Variants in NCBP3 observed in about 807,000 individuals in gnomAD.
NCBP3 encodes nuclear cap binding subunit 3.
In NCBP3, 20 loss-of-function variants were observed where a neutral mutation model predicts 75.7. The observed-to-expected ratio is 0.26, with a 90% confidence interval of 0.19 to 0.38. The LOEUF is 0.38. NCBP3 is among the 10% of genes least tolerant of loss of function. The pLI is 1.00. For missense variants in NCBP3, 678 were observed against 796.9 expected, an observed-to-expected ratio of 0.85 and a Z score of 1.80; for synonymous variants, 293 against 290.5, an observed-to-expected ratio of 1.01 and a Z score of -0.09.
rs143872674 is a variant in NCBP3, at chr17:3,830,628, G to A, written c.356-1260C>T. ...TTTTGAGATGGAGTCTCGCTCTGTC[G>A]CCAGGCTGGAGTGCAGTGGCACGAT... On this transcript the variant is annotated intron_variant, in intron 3 of 12. Transcript: ENST00000389005. Among the ~76,000 whole-genome samples, 29 of 152,250 alleles carry A rather than the reference G, an allele frequency of 1.9e-4. No individual in the cohort carries two copies. In the East Asian group the frequency reaches 4.8e-3, roughly 25 times the overall value.
chr17:3,839,584 G>A (rs1323498930), intron 3 of NCBP3, among the ~76,000 whole-genome samples: 5 of 152,170 alleles, frequency 3.3e-5, no homozygotes, highest in Admixed American at 3.3e-4. Flanking sequence ...CTGACCTCAA[G>A]TGATCCACCT....
In NCBP3 at chr17:3,818,291, C is replaced by T. The variant is rs1256793882; in HGVS notation, c.1282G>A (p.Glu428Lys). ...KSMKMTMYAD[E>K]VESQLKNIRN... is the part of the protein sequence containing the mutation. ...ATATTTTTCAACTGAGATTCCACTT[C>T]GTCAGCATACATAGTCATTTTCATG... Residue 428 changes from glutamate (E) to lysine (K), a missense_variant, in exon 10 of 13, where the codon GAA becomes AAA. Physicochemically the swap from Glu to Lys is moderately conservative, Grantham distance 56 (BLOSUM62 1). Transcript: ENST00000389005. The surrounding 1 kb of genome is among the most constrained non-coding windows in gnomAD (Gnocchi z 4.7). The T allele has an allele frequency of 5.0e-6, 8 of 1,595,574 alleles. No individual in the cohort carries two copies. In the East Asian group the frequency reaches 9.0e-5, roughly 18 times the overall value.
At chr17:3,834,241 A>G (rs2053936529) in intron 3 of NCBP3, among the ~76,000 whole-genome samples, 1 of 152,236 alleles carries the variant, frequency 6.6e-6, no homozygotes, top group Admixed American at 6.5e-5. Context: ...AATGCTGACC[A>G]TAGACTGTCC....
chr17:3,834,348 G>A (rs763922577), intron 3 of NCBP3, among the ~76,000 whole-genome samples: 2 of 152,224 alleles, frequency 1.3e-5, no homozygotes, highest in Non-Finnish European at 2.9e-5. Context: ...TGACAATGAC[G>A]GGGTTTGGAT....
At chr17:3,816,088 A>C (rs1254618584) in intron 11 of NCBP3, 28 bp downstream of exon 11, 1 of 1,598,740 alleles carries the variant, frequency 6.3e-7, no homozygotes, top group Non-Finnish European at 8.5e-7. Context: ...CTCAGAATCC[A>C]GCCAGGAATC....
chr17:3,824,994 T>C lies in NCBP3; in HGVS notation c.744A>G (p.Pro248=), dbSNP rs1567587724. The C allele has an allele frequency of 6.5e-7, 1 of 1,546,822 alleles. No homozygotes were observed. Among genetic ancestry groups the C allele is most frequent in the Non-Finnish European group, 8.7e-7 (1 of 1,144,850 alleles). ...EESLLRNDLR[P]ANKLAKGNRL... is the part of the protein sequence containing the mutation. ...TATTTCCTTTAGCAAGTTTGTTAGC[T>C]GGACGAAGATCGTTTCTTAACAAAG... The change falls in exon 7 of 13, where the codon CCA becomes CCG. Residue 248 remains proline, a synonymous_variant. Transcript: ENST00000389005.
chr17:3,814,841 T>C (rs17763453), intron 11 of NCBP3, among the ~76,000 whole-genome samples: 26,013 of 152,000 alleles, frequency 0.17, 2,864 homozygotes, highest in Non-Finnish European at 0.24. Flanking sequence ...TCTTTGAACA[T>C]ACAAGTAGTT....
At chr17:3,843,475 C>T (rs1480770448) in intron 1 of NCBP3, among the ~76,000 whole-genome samples, 2 of 152,166 alleles carry the variant, frequency 1.3e-5, no homozygotes, top group African/African-American at 4.8e-5. Context: ...CTAAAGCAGT[C>T]CTCCTGCCTC....
chr17:3,812,551 G>A lies in NCBP3; in HGVS notation c.*493C>T. The A allele has an allele frequency of 9.9e-7, 1 of 1,008,360 alleles. No individual in the cohort carries two copies. Among genetic ancestry groups the A allele is most frequent in the Non-Finnish European group, 1.2e-6 (1 of 843,678 alleles). 62.5% of individuals were successfully genotyped at this position (1,008,360 alleles called of 1,614,324 possible). Reference sequence around the variant, plus strand: ...TCCGTGAGATTCGCCCCACACTAGGGTCCCGGAAGGGTGAGCTGGCCGCTT... The same window carrying A: ...TCCGTGAGATTCGCCCCACACTAGGATCCCGGAAGGGTGAGCTGGCCGCTT... On this transcript the variant is annotated 3_prime_UTR_variant, in exon 13 of 13. Coordinates refer to ENST00000389005, the MANE Select transcript of NCBP3 (RefSeq NM_001114118.3).
rs1046017638 is a variant in NCBP3, at chr17:3,812,544, C to T, written c.*500G>A. ...GGTCAGGTCCGTGAGATTCGCCCCA[C>T]ACTAGGGTCCCGGAAGGGTGAGCTG... On this transcript the variant is annotated 3_prime_UTR_variant, in exon 13 of 13. Coordinates refer to ENST00000389005, the MANE Select transcript of NCBP3 (RefSeq NM_001114118.3). The T allele has an allele frequency of 1.0e-6, 1 of 1,004,936 alleles. No homozygotes were observed. The highest frequency in any genetic ancestry group is 1.0e-4 in the East Asian group (1 of 9,636). The allele number at this position is 1,004,936 out of a possible 1,614,324, so 62.3% of individuals were successfully genotyped here. A position where few individuals can be genotyped will look rare whatever the true frequency, so the allele number is the denominator to read the frequency against.
rs1286631329 is a variant in NCBP3, at chr17:3,804,744, G to A, written c.*8300C>T. ...ACTCACGACCTTTGAACACTCGGTA[G>A]GAGTGCCCTGCTCAGTGCCAAGGCC... On this transcript the variant is annotated 3_prime_UTR_variant, in exon 13 of 13. Coordinates refer to ENST00000389005, the MANE Select transcript of NCBP3 (RefSeq NM_001114118.3). 1 of 152,246 alleles carries A rather than the reference G, an allele frequency of 6.6e-6. No individual in the cohort carries two copies. Among genetic ancestry groups the A allele is most frequent in the Non-Finnish European group, 1.5e-5 (1 of 68,076 alleles). The allele number at this position is 152,246 out of a possible 1,614,324, so 9.4% of individuals were successfully genotyped here. A position where few individuals can be genotyped will look rare whatever the true frequency, so the allele number is the denominator to read the frequency against.
chr17:3,816,319 A>T, intron 10 of NCBP3, 49 bp from the exon 11 acceptor site: 1 of 1,525,988 alleles, frequency 6.6e-7, no homozygotes, highest in Non-Finnish European at 9.0e-7. Flanking sequence ...TTCAACTGTG[A>T]GACAAGACCC....
rs1009933531 is a variant in NCBP3 at position 3,811,907 on chromosome 17, T to A, written c.*1137A>T. On this transcript the variant is annotated 3_prime_UTR_variant, in exon 13 of 13. Coordinates refer to ENST00000389005, the MANE Select transcript of NCBP3 (RefSeq NM_001114118.3). ...AGTTTAAAAATAAATGAACTAAAAT[T>A]TTTATAACTATTATCTTTTCTGCCA... The A allele has an allele frequency of 2.0e-4, 30 of 152,216 alleles. No homozygotes were observed. The highest frequency in any genetic ancestry group is 3.3e-4 in the Admixed American group (5 of 15,280). The allele number at this position is 152,216 out of a possible 1,614,324, so 9.4% of individuals were successfully genotyped here.
At chr17:3,822,078 T>C (rs1034038598) in intron 7 of NCBP3, 26 bp from the exon 8 acceptor site, 85 of 1,440,826 alleles carry the variant, frequency 5.9e-5, no homozygotes, top group Non-Finnish European at 8.3e-5. Flanking sequence ...AATAGTTACC[T>C]AGGATTTCCT....
At chr17:3,821,871 G>T (rs2053672568) in intron 8 of NCBP3, 82 bp downstream of exon 8, 3 of 875,870 alleles carry the variant, frequency 3.4e-6, no homozygotes, top group Non-Finnish European at 5.6e-6. Context: ...TTTACACAGG[G>T]TTTAGACATT....
At chr17:3,824,808 T>C in intron 7 of NCBP3, 134 bp downstream of exon 7, 1 of 436,650 alleles carries the variant, frequency 2.3e-6, no homozygotes, top group Non-Finnish European at 4.0e-6. Flanking sequence ...AATTATTTCA[T>C]AAGCGCAGAA....
At chr17:3,815,984 C>G in intron 11 of NCBP3, 132 bp downstream of exon 11, 1 of 765,704 alleles carries the variant, frequency 1.3e-6, no homozygotes, top group African/African-American at 1.8e-5. Flanking sequence ...ACCTAGCCCA[C>G]AATTTAGACA....
chr17:3,841,673 C>A (rs2054065741), intron 2 of NCBP3, among the ~76,000 whole-genome samples: 1 of 125,018 alleles, frequency 8.0e-6, no homozygotes, highest in East Asian at 2.4e-4. Context: ...CACAGATAAA[C>A]CATAAAAAGG....
rs576948347 is a variant in NCBP3, at chr17:3,845,056, G to C, written c.183+985C>G. On this transcript the variant is annotated intron_variant, in intron 1 of 12. Coordinates refer to ENST00000389005, the MANE Select transcript of NCBP3 (RefSeq NM_001114118.3). ...TTTTTGAGATGGGGAGAGGGGAAAG[G>C]GGGGACCTCAAAGGGGTCTTGCTAT... is the stretch of plus-strand genomic sequence containing the variant. Among the ~76,000 whole-genome samples the C allele has an allele frequency of 3.3e-5, 5 of 152,266 alleles. No individual in the cohort carries two copies. The South Asian group carries it at 1.0e-3, about 32-fold the overall frequency.
Sources: gnomAD v4.1 joint callset for allele counts (sites outside exome capture counted in the v4.1 genomes callset) on GRCh38, gnomAD v4.1.1 for gene constraint, Gnocchi (gnomAD v3.1) non-coding constraint, MANE v1.5 for transcripts, NCBI Gene and HGNC (gene_info 2026-07-23, HGNC 2026-07-21) for gene names.